Variants in AGBL4 observed in about 807,000 individuals in gnomAD.
AGBL4 encodes cytosolic carboxypeptidase 6.
Under a neutral mutation model 66.4 loss-of-function variants are expected in AGBL4, and 58 were observed. That is an observed-to-expected ratio of 0.87 (90% CI 0.71 to 1.09). The LOEUF (loss-of-function observed/expected upper bound fraction) is 1.09, where lower values mean the gene tolerates loss of function less well. AGBL4 is among the 50% of genes least tolerant of loss of function. AGBL4 has a pLI of 0.00. For synonymous variants in AGBL4, 234 were observed against 222.9 expected, an observed-to-expected ratio of 1.05 and a Z score of -0.44; for missense variants, 579 against 631.0, an observed-to-expected ratio of 0.92 and a Z score of 0.88.
rs80058041 is a variant in AGBL4 at position 49,866,770 on chromosome 1, A to T, written c.35-15252T>A. 3.0e-3 allele frequency among the ~76,000 whole-genome samples: 449 copies of T among 151,754 alleles called. 1 individual carries two copies. Among genetic ancestry groups the T allele is most frequent in the African/African-American group, 9.9e-3 (408 of 41,420 alleles). On this transcript the variant is annotated intron_variant, in intron 1 of 13. Coordinates refer to ENST00000371839, the MANE Select transcript of AGBL4 (RefSeq NM_032785.4). ...CAAGTTTGAAACTCCATCTTAAATT[A>T]AAAAAAAGACTTTCCAACCAAGAAT...
intron 2 of AGBL4, among the ~76,000 whole-genome samples, chr1:49,768,715 GA>G (rs781114807): frequency 6.6e-6 from 1 of 151,402 alleles, no homozygotes; most frequent in Non-Finnish European, 1.5e-5. Flanking sequence ...CATTCAAATA[GA>G]AAAAAAAGTC....
intron 2 of AGBL4, among the ~76,000 whole-genome samples, chr1:49,750,011 A>G (rs1355299072): frequency 6.6e-6 from 1 of 152,186 alleles, no homozygotes; most frequent in Non-Finnish European, 1.5e-5. Context: ...GACCCACATC[A>G]ATTTAACAAA....
At chr1:48,741,061 C>A (rs949054982) in intron 6 of AGBL4, among the ~76,000 whole-genome samples, 5 of 152,148 alleles carry the variant, frequency 3.3e-5, no homozygotes, top group Admixed American at 3.3e-4. Context: ...GCTATCTTTG[C>A]AAAAGAGGCC....
intron 3 of AGBL4, among the ~76,000 whole-genome samples, chr1:49,644,785 G>GA (rs1369328879): frequency 6.6e-6 from 1 of 151,386 alleles, no homozygotes; most frequent in Non-Finnish European, 1.5e-5. Context: ...GACATTTATA[G>GA]AGCACTTGAC....
chr1:48,711,555 G>T (rs535106038), intron 6 of AGBL4, among the ~76,000 whole-genome samples: 2 of 152,176 alleles, frequency 1.3e-5, no homozygotes, highest in African/African-American at 2.4e-5. Flanking sequence ...GGCCCAAAGA[G>T]CACACGGATG....
intron 1 of AGBL4, among the ~76,000 whole-genome samples, chr1:50,010,469 A>AACACACACACAC (rs113933841): frequency 3.7e-4 from 55 of 149,062 alleles, no homozygotes; most frequent in Admixed American, 8.0e-4. Context: ...AGGAACCACA[A>AACACACACACAC]ACACACACAC....
At chr1:48,916,082 A>G (rs1653557630) in intron 5 of AGBL4, among the ~76,000 whole-genome samples, 1 of 152,080 alleles carries the variant, frequency 6.6e-6, no homozygotes, top group Non-Finnish European at 1.5e-5. Context: ...CCACAACAGG[A>G]ACTGTGTTTG....
chr1:49,832,768 T>C (rs1645728530), intron 2 of AGBL4, among the ~76,000 whole-genome samples: 1 of 152,234 alleles, frequency 6.6e-6, no homozygotes, highest in African/African-American at 2.4e-5. Context: ...CATTTTTTCA[T>C]GTGTTTTTTG....
chr1:49,438,761 AAGAGG>A (rs1253410268), intron 3 of AGBL4, among the ~76,000 whole-genome samples: 2 of 152,218 alleles, frequency 1.3e-5, no homozygotes, highest in African/African-American at 4.8e-5. Context: ...AGAAAGTAAT[AAGAGG>A]AGACACACTG....
At chr1:48,771,716 A>C (rs1489108093) in intron 6 of AGBL4, among the ~76,000 whole-genome samples, 2 of 152,242 alleles carry the variant, frequency 1.3e-5, no homozygotes, top group Non-Finnish European at 2.9e-5. Flanking sequence ...GAAATCGGCT[A>C]GTCCTCTGCT....
intron 1 of AGBL4, among the ~76,000 whole-genome samples, chr1:49,903,540 C>T (rs1161838372): frequency 6.6e-6 from 1 of 152,068 alleles, no homozygotes; most frequent in East Asian, 1.9e-4. Flanking sequence ...ATTGTATGAA[C>T]TTCAGAAAGT....
At chr1:48,904,870 G>A (rs1652432885) in intron 5 of AGBL4, among the ~76,000 whole-genome samples, 1 of 152,180 alleles carries the variant, frequency 6.6e-6, no homozygotes, top group South Asian at 2.1e-4. Context: ...TAACATTCAT[G>A]TGTTGCTGCT....
chr1:49,077,852 G>C (rs1467156469), intron 4 of AGBL4, among the ~76,000 whole-genome samples: 3 of 152,018 alleles, frequency 2.0e-5, no homozygotes, highest in Non-Finnish European at 4.4e-5. Context: ...AAAGGAGGAA[G>C]GGGAAGTCAG....
At chr1:49,915,869 A>G (rs1344526435) in intron 1 of AGBL4, among the ~76,000 whole-genome samples, 2 of 152,030 alleles carry the variant, frequency 1.3e-5, no homozygotes, top group African/African-American at 4.8e-5. Context: ...ACGGCCAGGT[A>G]CTCCTCTGAG....
intron 3 of AGBL4, among the ~76,000 whole-genome samples, chr1:49,286,013 C>T (rs969088801): frequency 6.6e-6 from 1 of 152,158 alleles, no homozygotes; most frequent in Non-Finnish European, 1.5e-5. Context: ...GCTTATCCAC[C>T]ATGATCAAGT....
intron 3 of AGBL4, among the ~76,000 whole-genome samples, chr1:49,506,783 A>G (rs1558005118): frequency 6.6e-6 from 1 of 152,024 alleles, no homozygotes; most frequent in Non-Finnish European, 1.5e-5. Flanking sequence ...ATCAAAGTCA[A>G]TGTTGCCTAT....
At chr1:49,654,752 CTT>C (rs915391683) in intron 3 of AGBL4, among the ~76,000 whole-genome samples, 3 of 152,048 alleles carry the variant, frequency 2.0e-5, no homozygotes, top group African/African-American at 7.2e-5. Flanking sequence ...CAACCCCTGC[CTT>C]TTTTTGCTTT....
intron 5 of AGBL4, among the ~76,000 whole-genome samples, chr1:49,011,925 A>G (rs554518143): frequency 6.6e-6 from 1 of 151,438 alleles, no homozygotes; most frequent in Non-Finnish European, 1.5e-5. Flanking sequence ...AGATATACCT[A>G]ATGCTAGATG....
At chr1:49,633,021 C>A (rs186209664) in intron 3 of AGBL4, among the ~76,000 whole-genome samples, 189 of 152,134 alleles carry the variant, frequency 1.2e-3, no homozygotes, top group African/African-American at 4.4e-3. Flanking sequence ...TTGCAGTGAG[C>A]TGAGATTGCA....
Sources: gnomAD v4.1 joint callset for allele counts (sites outside exome capture counted in the v4.1 genomes callset) on GRCh38, gnomAD v4.1.1 for gene constraint, MANE v1.5 for transcripts, NCBI Gene and HGNC (gene_info 2026-07-23, HGNC 2026-07-21) for gene names.